Variants in NCAM2 observed in about 807,000 individuals in gnomAD.
NCAM2 encodes N-CAM-2.
In NCAM2, 30 loss-of-function variants were observed where a neutral mutation model predicts 98.1. That is an observed-to-expected ratio of 0.31 (90% CI 0.23 to 0.41). The LOEUF (loss-of-function observed/expected upper bound fraction) is 0.41, where lower values mean the gene tolerates loss of function less well. Among genes scored for constraint, NCAM2 ranks in the 10% least tolerant of loss-of-function variants. The pLI, the probability that NCAM2 is intolerant of heterozygous loss-of-function variation, is 1.00. For synonymous variants in NCAM2, 368 were observed against 342.4 expected, an observed-to-expected ratio of 1.07 and a Z score of -0.83; for missense variants, 867 against 1,005.8, an observed-to-expected ratio of 0.86 and a Z score of 1.87.
At chr21:21,536,062 C>A (rs997163656) in intron 17 of NCAM2, among the ~76,000 whole-genome samples, 1 of 152,052 alleles carries the variant, frequency 6.6e-6, no homozygotes, top group African/African-American at 2.4e-5. Flanking sequence ...GCTTTTATGA[C>A]CTTGTATTGT....
At chr21:21,037,007 A>G (rs1234626901) in intron 1 of NCAM2, among the ~76,000 whole-genome samples, 5 of 152,292 alleles carry the variant, frequency 3.3e-5, no homozygotes, top group African/African-American at 1.2e-4. Flanking sequence ...CTAAATAGCA[A>G]TAGATGTCAA....
intron 8 of NCAM2, among the ~76,000 whole-genome samples, chr21:21,343,199 A>C (rs979434299): frequency 1.3e-5 from 2 of 152,164 alleles, no homozygotes; most frequent in Non-Finnish European, 2.9e-5. Flanking sequence ...ATATGTAAAA[A>C]ATTACTTCGT....
intron 9 of NCAM2, among the ~76,000 whole-genome samples, chr21:21,379,606 G>T (rs2076107702): frequency 1.3e-5 from 2 of 151,842 alleles, no homozygotes; most frequent in Non-Finnish European, 2.9e-5. Context: ...GTTCAGTTGT[G>T]CTCAGAAAAC....
intron 1 of NCAM2, among the ~76,000 whole-genome samples, chr21:21,012,008 T>C (rs2064221202): frequency 6.6e-6 from 1 of 152,004 alleles, no homozygotes; most frequent in Non-Finnish European, 1.5e-5. Flanking sequence ...CAGAGAAGCT[T>C]CGTGCATTGT....
At chr21:21,486,083 C>A (rs1715549292) in intron 15 of NCAM2, among the ~76,000 whole-genome samples, 1 of 151,948 alleles carries the variant, frequency 6.6e-6, no homozygotes. Flanking sequence ...GCAGGTGGAT[C>A]ACGAGGTCAG....
At chr21:21,273,246 G>A (rs2072596969) in intron 1 of NCAM2, among the ~76,000 whole-genome samples, 1 of 152,102 alleles carries the variant, frequency 6.6e-6, no homozygotes, top group African/African-American at 2.4e-5. Context: ...AGAAATGTTT[G>A]AGGAATAAAG....
chr21:21,113,593 A>G lies in NCAM2; in HGVS notation c.55+114975A>G, dbSNP rs950668805. Among the ~76,000 whole-genome samples, 9 of 152,138 alleles carry G rather than the reference A, an allele frequency of 5.9e-5. No individual in the cohort carries two copies. The East Asian group carries it at 1.5e-3, about 26-fold the overall frequency. On this transcript the variant is annotated intron_variant, in intron 1 of 17. Transcript: ENST00000400546. ...AAAAAAAAAAGATGACTGGGAAACT[A>G]TGATTATTAAGACTGAGGTATTTAG...
intron 1 of NCAM2, among the ~76,000 whole-genome samples, chr21:21,109,647 A>G (rs946568595): frequency 6.6e-6 from 1 of 152,082 alleles, no homozygotes; most frequent in Non-Finnish European, 1.5e-5. Flanking sequence ...GACTTTGACA[A>G]TGTGTTGAAC....
chr21:21,447,040 G>GA (rs528574767), intron 12 of NCAM2, among the ~76,000 whole-genome samples: 87 of 152,032 alleles, frequency 5.7e-4, no homozygotes, highest in African/African-American at 2.0e-3. Context: ...TCACAGATTA[G>GA]AAAAAAACTA....
chr21:21,396,587 G>A (rs1318384019), intron 9 of NCAM2, among the ~76,000 whole-genome samples: 1 of 151,736 alleles, frequency 6.6e-6, no homozygotes, highest in Non-Finnish European at 1.5e-5. Context: ...CAGGTGGGGA[G>A]TGGTGAGGGG....
intron 1 of NCAM2, among the ~76,000 whole-genome samples, chr21:21,186,400 A>G (rs1006707568): frequency 3.3e-5 from 5 of 152,184 alleles, no homozygotes; most frequent in African/African-American, 4.8e-5. Context: ...CTAAGATATT[A>G]TGGATTCTAT....
At chr21:21,115,536 A>C (rs2826659) in intron 1 of NCAM2, among the ~76,000 whole-genome samples, 23,866 of 152,118 alleles carry the variant, frequency 0.16, 2,354 homozygotes, top group Non-Finnish European at 0.22. Flanking sequence ...TTGGAAATGC[A>C]GCTTTCAAAG....
chr21:21,219,949 G>T (rs2070072912), intron 1 of NCAM2, among the ~76,000 whole-genome samples: 1 of 151,766 alleles, frequency 6.6e-6, no homozygotes, highest in African/African-American at 2.4e-5. Context: ...TAAACCAAAA[G>T]AACTTTAAAA....
intron 5 of NCAM2, among the ~76,000 whole-genome samples, chr21:21,298,268 A>G (rs912399224): frequency 9.9e-5 from 15 of 151,740 alleles, no homozygotes; most frequent in African/African-American, 3.6e-4. Context: ...TGTCTCTTGT[A>G]GTTGAATCAT....
chr21:21,234,305 A>G (rs900802935), intron 1 of NCAM2, among the ~76,000 whole-genome samples: 1 of 151,888 alleles, frequency 6.6e-6, no homozygotes, highest in African/African-American at 2.4e-5. Context: ...AAAAGTAGTA[A>G]ATAAATGGAT....
At chr21:21,505,229 A>G (rs1006336641) in intron 15 of NCAM2, among the ~76,000 whole-genome samples, 1 of 152,044 alleles carries the variant, frequency 6.6e-6, no homozygotes, top group Non-Finnish European at 1.5e-5. Flanking sequence ...ATATGGTTAA[A>G]AAAGAGTAGG....
chr21:21,060,944 G>A (rs1043833138), intron 1 of NCAM2, among the ~76,000 whole-genome samples: 1 of 152,098 alleles, frequency 6.6e-6, no homozygotes, highest in Admixed American at 6.6e-5. Context: ...AAGAAGAAAG[G>A]AAGAAGCCAA....
intron 15 of NCAM2, among the ~76,000 whole-genome samples, chr21:21,497,981 C>T (rs1233179311): frequency 6.6e-6 from 1 of 151,900 alleles, no homozygotes; most frequent in Admixed American, 6.6e-5. Context: ...TATGTGGATG[C>T]TGTAAATAGT....
intron 11 of NCAM2, among the ~76,000 whole-genome samples, chr21:21,426,108 G>A (rs892358998): frequency 1.3e-5 from 2 of 152,012 alleles, no homozygotes; most frequent in African/African-American, 2.4e-5. Context: ...TCTTATTCTC[G>A]AGGGTGGATG....
Sources: allele counts gnomAD v4.1 joint callset (sites outside exome capture counted in the v4.1 genomes callset), GRCh38; gene constraint gnomAD v4.1.1; transcripts MANE v1.5; gene names NCBI Gene and HGNC (gene_info 2026-07-23, HGNC 2026-07-21).